Variants in PKLR observed in about 807,000 individuals in gnomAD.
PKLR encodes pyruvate kinase PKLR.
A neutral mutation model predicts 53.6 loss-of-function variants in PKLR; 38 were observed. That is an observed-to-expected ratio of 0.71 (90% CI 0.55 to 0.93). PKLR has a LOEUF of 0.93. Ranked by LOEUF, PKLR falls within the 40% of genes least tolerant of loss-of-function variation. The pLI, the probability that PKLR is intolerant of heterozygous loss-of-function variation, is 0.00. For missense variants in PKLR, 702 were observed against 787.3 expected, an observed-to-expected ratio of 0.89 and a Z score of 1.30; for synonymous variants, 328 against 316.2, an observed-to-expected ratio of 1.04 and a Z score of -0.39.
At chr1:155,290,989 AAATAAT>A (rs201306934) in intron 10 of PKLR, among the ~76,000 whole-genome samples, 21,156 of 133,822 alleles carry the variant, frequency 0.16, 1,846 homozygotes, top group Non-Finnish European at 0.18. Flanking sequence ...CTCCATCTCA[AAATAAT>A]AATAATAATA....
At chr1:155,305,893 C>T (rs1233114862), upstream of PKLR, among the ~76,000 whole-genome samples, 1 of 151,782 alleles carries the variant, frequency 6.6e-6, no homozygotes, top group East Asian at 1.9e-4. Context: ...GATCTACCCG[C>T]CTTCACTTCC....
At chr1:155,302,280 A>G (rs1212160662), upstream of PKLR, among the ~76,000 whole-genome samples, 1 of 134,504 alleles carries the variant, frequency 7.4e-6, no homozygotes, top group African/African-American at 2.8e-5. Context: ...TCTGTTGCCC[A>G]GGTTGGAGTG....
intron 1 of PKLR, 173 bp downstream of exon 1, chr1:155,301,123 A>G: frequency 7.3e-7 from 1 of 1,372,978 alleles, no homozygotes; most frequent in Non-Finnish European, 1.0e-6. Context: ...CCTGGAAAAG[A>G]CCCAGGCCAG....
At chr1:155,292,818 A>G (rs1011117578) in intron 9 of PKLR, among the ~76,000 whole-genome samples, 1 of 152,154 alleles carries the variant, frequency 6.6e-6, no homozygotes, top group African/African-American at 2.4e-5. Flanking sequence ...TTCATGAGGA[A>G]AGACAGCAGG....
At chr1:155,299,045 T>TTCCTTCC (rs1557963611) in intron 2 of PKLR, among the ~76,000 whole-genome samples, 3 of 119,908 alleles carry the variant, frequency 2.5e-5, no homozygotes, top group East Asian at 2.6e-4. Flanking sequence ...TCTTTCTTTC[T>TTCCTTCC]TTCTTTCCTT....
At chr1:155,294,443 T>C in intron 6 of PKLR, 39 bp downstream of exon 6, 3 of 1,614,136 alleles carry the variant, frequency 1.9e-6, no homozygotes, top group Non-Finnish European at 2.5e-6. Flanking sequence ...TGATGGGGAA[T>C]AGCGACAGGG....
chr1:155,302,555 TA>T (rs1287750617), upstream of PKLR, among the ~76,000 whole-genome samples: 2 of 152,074 alleles, frequency 1.3e-5, no homozygotes, highest in Non-Finnish European at 2.9e-5. Context: ...GTATTTTTAG[TA>T]AAGATGGGGT....
At chr1:155,296,845 C>T (rs544329095) in intron 2 of PKLR, among the ~76,000 whole-genome samples, 1 of 152,276 alleles carries the variant, frequency 6.6e-6, no homozygotes, top group Admixed American at 6.5e-5. Flanking sequence ...TGAACCCACC[C>T]CACTCAGGCG....
rs8177992 is a variant in PKLR at position 155,291,365 on chromosome 1, G to A, written c.1618+391C>T. Among the ~76,000 whole-genome samples the A allele has an allele frequency of 9.6e-3, 1,452 of 151,882 alleles. 9 individuals carry two copies. Among genetic ancestry groups the A allele is most frequent in the Admixed American group, 0.015 (223 of 15,256 alleles). On this transcript the variant is annotated intron_variant, in intron 10 of 10. Transcript: ENST00000342741. Reference sequence around the variant, plus strand: ...ACAAAAATTATCCAGGCGTGGTGGCGCATGCCTGTAGTCCCAGCTACTCAG... The same window carrying A: ...ACAAAAATTATCCAGGCGTGGTGGCACATGCCTGTAGTCCCAGCTACTCAG...
chr1:155,289,791 GAGA>G lies in PKLR; in HGVS notation c.*778_*780del, dbSNP rs1674454127. ...GAGTTCTGGGGTTCTTGGTGTGTGG[GAGA>G]AGTTTTATAATTGCTTCCAAACAGC... On this transcript the variant is annotated 3_prime_UTR_variant, in exon 11 of 11. Coordinates refer to ENST00000342741, the MANE Select transcript of PKLR (RefSeq NM_000298.6). The G allele has an allele frequency of 6.6e-6, 1 of 152,344 alleles. No individual in the cohort carries two copies. 9.4% of individuals were successfully genotyped at this position (152,344 alleles called of 1,614,324 possible).
intron 7 of PKLR, 24 bp downstream of exon 7, chr1:155,294,211 G>C (rs1023047538): frequency 6.2e-7 from 1 of 1,613,710 alleles, no homozygotes; most frequent in Non-Finnish European, 8.5e-7. Flanking sequence ...ACAGAGTGCC[G>C]AACCTCAAGG....
chr1:155,302,902 A>AT (rs1296601084), upstream of PKLR, among the ~76,000 whole-genome samples: 1 of 151,748 alleles, frequency 6.6e-6, no homozygotes, highest in Non-Finnish European at 1.5e-5. Flanking sequence ...CTGACTTTTT[A>AT]TTTTTGTAGA....
the PKLR span, chr1:155,308,597 A>G: frequency 1.0e-6 from 1 of 985,438 alleles, no homozygotes; most frequent in Non-Finnish European, 1.2e-6. Context: ...CTTGAGTAAG[A>G]CAGGCAGCCA....
At position 155,301,240 on chromosome 1, in the gene PKLR, T is replaced by C. The variant is rs903763861; in HGVS notation, c.100+56A>G. On this transcript the variant is annotated intron_variant, in intron 1 of 10. Transcript: ENST00000342741. ...CATTTATGCCCTCCACCCTGGCTCCTAGTTTTCACCCTCATTTTCCTCCTA... is the reference window on the plus strand; with the variant it reads ...CATTTATGCCCTCCACCCTGGCTCCCAGTTTTCACCCTCATTTTCCTCCTA... 16 of 1,598,930 alleles carry C rather than the reference T, an allele frequency of 1.0e-5. No homozygotes were observed. In the Middle Eastern group the frequency reaches 4.9e-4, roughly 49 times the overall value.
In PKLR at chr1:155,293,426, C is replaced by T. The variant is rs1557957736; in HGVS notation, c.1269+12G>A. 1 of 1,614,116 alleles carries T rather than the reference C, an allele frequency of 6.2e-7. No individual in the cohort carries two copies. Among genetic ancestry groups the T allele is most frequent in the African/African-American group, 1.3e-5 (1 of 74,936 alleles). On this transcript the variant is annotated intron_variant, in intron 8 of 10. Coordinates refer to ENST00000342741, the MANE Select transcript of PKLR (RefSeq NM_000298.6). The surrounding 1 kb of genome is among the most constrained non-coding windows in gnomAD (Gnocchi z 4.2). ...TTCCCTGGCCCATTTGCTTTTCATTCTGAGCTCCTACCGCATGCTGCATCT... is the reference window on the plus strand; with the variant it reads ...TTCCCTGGCCCATTTGCTTTTCATTTTGAGCTCCTACCGCATGCTGCATCT...
Position 155,294,720 on chromosome 1 carries a change from C to T in PKLR, c.727G>A (p.Gly243Ser), listed in dbSNP as rs745797890. ...CCCTTCCGGCTGCCCAGGACGCCGC[C>T]GTTCTCCACTTGGGTCACCAGTCCC... The part of the protein sequence containing the change: ...PEGLVTQVEN[G>S]GVLGSRKGVN... Residue 243 changes from glycine (G) to serine (S), a missense_variant, in exon 6 of 11, where the codon GGC becomes AGC. Gly to Ser is a moderately conservative substitution (Grantham distance 56, BLOSUM62 0). Transcript: ENST00000342741. 3.1e-5 allele frequency: 50 copies of T among 1,613,894 alleles called. No homozygotes were observed. The highest frequency in any genetic ancestry group is 6.7e-5 in the Admixed American group (4 of 60,008).
upstream of PKLR, chr1:155,301,578 C>G: frequency 2.9e-6 from 2 of 678,296 alleles, no homozygotes; most frequent in Non-Finnish European, 5.2e-6. Context: ...GGCATTTCCT[C>G]TCATCCTTTT....
At chr1:155,297,944 C>T (rs1016890930) in intron 2 of PKLR, among the ~76,000 whole-genome samples, 2 of 152,198 alleles carry the variant, frequency 1.3e-5, no homozygotes, top group African/African-American at 4.8e-5. Flanking sequence ...TAACTGACCT[C>T]CCTATTTAGG....
chr1:155,295,724 C>G lies in PKLR; in HGVS notation c.316G>C (p.Glu106Gln), dbSNP rs1647551316. Residue 106 changes from glutamate to glutamine, a missense_variant, in exon 3 of 11, where the codon GAG (glutamate) becomes CAG (glutamine). Glu to Gln is a conservative substitution (Grantham distance 29). Coordinates refer to ENST00000342741, the MANE Select transcript of PKLR (RefSeq NM_000298.6). This position sits in a 1 kb window ranked among gnomAD's most constrained non-coding sequence, Gnocchi z 4.3. ...ATGTTCATCCCGGCCTTGATCATCT[C>G]CTTGAGGCGCTCCACGGAGCGAGAT... ...PASRSVERLK[E>Q]MIKAGMNIAR... 1 of 1,614,038 alleles carries G rather than the reference C, an allele frequency of 6.2e-7. No homozygotes were observed.
Sources: gnomAD v4.1 joint callset for allele counts (sites outside exome capture counted in the v4.1 genomes callset) on GRCh38, gnomAD v4.1.1 for gene constraint, Gnocchi (gnomAD v3.1) non-coding constraint, MANE v1.5 for transcripts, NCBI Gene and HGNC (gene_info 2026-07-23, HGNC 2026-07-21) for gene names.